Variants in AP3B1 observed in about 807,000 individuals in gnomAD.
AP3B1 encodes the protein adaptor related protein complex 3 subunit beta 1.
In AP3B1, 61 loss-of-function variants were observed where a neutral mutation model predicts 132.5. That is an observed-to-expected ratio of 0.46 (90% CI 0.37 to 0.57). The LOEUF (loss-of-function observed/expected upper bound fraction) is 0.57. Ranked by LOEUF, AP3B1 falls within the 20% of genes least tolerant of loss-of-function variation. The pLI, the probability that AP3B1 is intolerant of heterozygous loss-of-function variation, is 0.00. For missense variants in AP3B1, 1,120 were observed against 1,289.4 expected, an observed-to-expected ratio of 0.87 and a Z score of 2.01; for synonymous variants, 388 against 438.3, an observed-to-expected ratio of 0.89 and a Z score of 1.43.
chr5:78,173,381 T>C (rs981571587), intron 11 of AP3B1, among the ~76,000 whole-genome samples: 1 of 152,172 alleles, frequency 6.6e-6, no homozygotes, highest in East Asian at 1.9e-4. Context: ...ATTATTTTTG[T>C]GTGGGAGTCT....
chr5:78,073,811 G>A (rs1749649944), intron 22 of AP3B1, among the ~76,000 whole-genome samples: 1 of 152,154 alleles, frequency 6.6e-6, no homozygotes, highest in South Asian at 2.1e-4. Flanking sequence ...TCTGAAACAA[G>A]TGAACTCACA....
rs114287956 is a variant in AP3B1 at position 78,126,026 on chromosome 5, G to A, written c.1968+2004C>T. 8.3e-3 allele frequency among the ~76,000 whole-genome samples: 1,256 copies of A among 151,792 alleles called. 11 individuals carry two copies. The highest frequency in any genetic ancestry group is 0.024 in the Middle Eastern group (7 of 294). On this transcript the variant is annotated intron_variant, in intron 17 of 26. Coordinates refer to ENST00000255194, the MANE Select transcript of AP3B1 (RefSeq NM_003664.5). ...GGCAGCAAGGAGGGAGAGATAAGGC[G>A]GAAGCAGGGGAAGGTTAAAAGGATG... is the stretch of plus-strand genomic sequence containing the variant.
At chr5:78,223,524 T>C (rs527703602) in intron 6 of AP3B1, among the ~76,000 whole-genome samples, 6 of 152,290 alleles carry the variant, frequency 3.9e-5, no homozygotes, top group African/African-American at 1.4e-4. Flanking sequence ...AAATATTAAA[T>C]ACCTGTGATG....
chr5:78,273,767 A>G (rs1436361406), intron 1 of AP3B1, among the ~76,000 whole-genome samples: 2 of 152,144 alleles, frequency 1.3e-5, no homozygotes, highest in East Asian at 1.9e-4. Flanking sequence ...GCTAAGGAAG[A>G]TGCCCGAGGA....
At chr5:78,286,371 TC>T in intron 1 of AP3B1, among the ~76,000 whole-genome samples, 1 of 152,260 alleles carries the variant, frequency 6.6e-6, no homozygotes, top group South Asian at 2.1e-4. Flanking sequence ...TGAGGGCTCC[TC>T]CCTTCATGAA....
At chr5:78,257,257 A>C (rs1747884710) in intron 2 of AP3B1, among the ~76,000 whole-genome samples, 2 of 152,204 alleles carry the variant, frequency 1.3e-5, no homozygotes, top group South Asian at 2.1e-4. Context: ...ATACAATCTT[A>C]TATTGGGGAA....
intron 13 of AP3B1, among the ~76,000 whole-genome samples, chr5:78,160,328 G>A (rs1022439044): frequency 5.9e-5 from 9 of 152,118 alleles, no homozygotes; most frequent in African/African-American, 1.9e-4. Context: ...TGGCAATAAG[G>A]TTATTCAAAA....
chr5:78,190,351 C>A (rs1580464278), intron 7 of AP3B1, among the ~76,000 whole-genome samples: 1 of 152,066 alleles, frequency 6.6e-6, no homozygotes, highest in Admixed American at 6.6e-5. Context: ...CTGCATAATT[C>A]TCTAAGTTGG....
chr5:78,166,852 TG>T, intron 11 of AP3B1, among the ~76,000 whole-genome samples: 1 of 152,326 alleles, frequency 6.6e-6, no homozygotes, highest in South Asian at 2.1e-4. Flanking sequence ...CAACTCAAGA[TG>T]GATCAAAGAC....
At chr5:78,244,013 A>C (rs1401112348) in intron 2 of AP3B1, among the ~76,000 whole-genome samples, 1 of 152,254 alleles carries the variant, frequency 6.6e-6, no homozygotes, top group Non-Finnish European at 1.5e-5. Context: ...AGAAGGCTAC[A>C]GCAATTATGC....
At chr5:78,291,971 A>G (rs902840983) in intron 1 of AP3B1, among the ~76,000 whole-genome samples, 1 of 152,208 alleles carries the variant, frequency 6.6e-6, no homozygotes, top group African/African-American at 2.4e-5. Context: ...ACATAATAAC[A>G]TGAATACGTA....
At position 78,130,840 on chromosome 5, in the gene AP3B1, TAAAG is replaced by T. The variant is rs148380603; in HGVS notation, c.1651-1537_1651-1534del. Among the ~76,000 whole-genome samples, 336 of 152,116 alleles carry T rather than the reference TAAAG, an allele frequency of 2.2e-3. 1 individual carries two copies. Among genetic ancestry groups the T allele is most frequent in the African/African-American group, 7.8e-3 (322 of 41,534 alleles). On this transcript the variant is annotated intron_variant, in intron 15 of 26. Coordinates refer to ENST00000255194, the MANE Select transcript of AP3B1 (RefSeq NM_003664.5). ...TGAGATTTTAAATCTGCAACTAAAA[TAAAG>T]AAAGAGTCTCTTAATTGCAATGATT...
chr5:78,026,221 A>C (rs116416338), intron 24 of AP3B1, among the ~76,000 whole-genome samples: 478 of 152,364 alleles, frequency 3.1e-3, no homozygotes, highest in African/African-American at 0.011. Flanking sequence ...TTACCAGATC[A>C]ATGAAGCACT....
intron 26 of AP3B1, among the ~76,000 whole-genome samples, chr5:78,010,991 G>A (rs76138053): frequency 0.028 from 4,183 of 150,142 alleles, 184 homozygotes; most frequent in East Asian, 0.18. Flanking sequence ...TGCGTTAACT[G>A]TAATTTGGAA....
At position 78,278,625 on chromosome 5, in the gene AP3B1, A is replaced by AG. The variant is rs771858500; in HGVS notation, c.129-11031dup. Among the ~76,000 whole-genome samples, 141 of 52,244 alleles carry AG rather than the reference A, an allele frequency of 2.7e-3. 5 individuals carry two copies. The highest frequency in any genetic ancestry group is 9.9e-3 in the East Asian group (17 of 1,722). The allele number at this position is 52,244 out of a possible 152,430, so 34.3% of individuals were successfully genotyped here. A position where few individuals can be genotyped will look rare whatever the true frequency, so the allele number is the denominator to read the frequency against. The stretch of plus-strand genomic sequence containing the variant: ...AAAAAAAAAAAAAAAAAAAAAAAAA[A>AG]GGGGGGGGGGGACTAATTAATTATG... On this transcript the variant is annotated intron_variant, in intron 1 of 26. Coordinates refer to ENST00000255194, the MANE Select transcript of AP3B1 (RefSeq NM_003664.5).
intron 22 of AP3B1, among the ~76,000 whole-genome samples, chr5:78,039,591 C>T (rs949880770): frequency 6.6e-6 from 1 of 151,950 alleles, no homozygotes; most frequent in Non-Finnish European, 1.5e-5. Flanking sequence ...CTCGCTAACA[C>T]GGTGAAACTC....
At chr5:78,241,284 G>A (rs963659337) in intron 2 of AP3B1, among the ~76,000 whole-genome samples, 13 of 151,184 alleles carry the variant, frequency 8.6e-5, no homozygotes, top group Non-Finnish European at 1.2e-4. Flanking sequence ...CGGCAGCTTC[G>A]ACCTCCCAGG....
intron 2 of AP3B1, among the ~76,000 whole-genome samples, chr5:78,243,385 T>C (rs529558869): frequency 1.4e-4 from 22 of 152,296 alleles, no homozygotes; most frequent in African/African-American, 4.8e-4. Flanking sequence ...CAGAACGTTA[T>C]TCAAATATGG....
intron 24 of AP3B1, among the ~76,000 whole-genome samples, chr5:78,029,851 A>C (rs1191550488): frequency 1.3e-5 from 2 of 152,114 alleles, no homozygotes; most frequent in Admixed American, 6.6e-5. Flanking sequence ...GCTGTTTAGA[A>C]GTTATAATAC....
Sources: gnomAD v4.1 joint callset for allele counts (sites outside exome capture counted in the v4.1 genomes callset) on GRCh38, gnomAD v4.1.1 for gene constraint, MANE v1.5 for transcripts, NCBI Gene and HGNC (gene_info 2026-07-23, HGNC 2026-07-21) for gene names.